The following MIB2 variants were observed in gnomAD, a reference collection of about 807,000 sequenced individuals.
The protein encoded by MIB2 is E3 ubiquitin-protein ligase MIB2.
A neutral mutation model predicts 96.6 loss-of-function variants in MIB2; 78 were observed. The observed-to-expected ratio is 0.81, with a 90% CI of 0.67 to 0.97. MIB2 has a LOEUF of 0.97. Among genes scored for constraint, MIB2 ranks in the 50% least tolerant of loss-of-function variants. The probability of loss-of-function intolerance (pLI) is 0.00; values close to 1 mark genes in which losing one functional copy is unlikely to be tolerated. For synonymous variants in MIB2, 820 were observed against 629.5 expected, an observed-to-expected ratio of 1.30 and a Z score of -4.53; for missense variants, 1,543 against 1,424.0, an observed-to-expected ratio of 1.08 and a Z score of -1.35.
chr1:1,615,983 C>A, intron 1 of MIB2: 1 of 985,218 alleles, frequency 1.0e-6, no homozygotes, highest in South Asian at 4.7e-5. Flanking sequence ...GCTGAGCAGT[C>A]GGGGCCGGTG....
chr1:1,626,864 A>T lies in MIB2; in HGVS notation c.1105A>T (p.Lys369Ter). The T allele has an allele frequency of 1.2e-6, 2 of 1,603,872 alleles. No individual in the cohort carries two copies. Among genetic ancestry groups the T allele is most frequent in the Non-Finnish European group, 1.7e-6 (2 of 1,179,500 alleles). Residue 369 changes from lysine (K) to a stop codon, truncating the protein, a stop_gained, in exon 10 of 20, where the codon AAA (lysine) becomes TAA (stop). Transcript: ENST00000355826. LOFTEE classifies it high-confidence loss of function. This position sits in a 1 kb window ranked among gnomAD's most constrained non-coding sequence, Gnocchi z 5.3. ...CCTGGGCCGCGTCGGGAAGGTGGTG[A>T]AAGTGTTTGGAGACGGGAACCTGCG... ...PALGRVGKVV[K>*]VFGDGNLRVA...
intron 1 of MIB2, 96 bp from the exon 2 acceptor site, chr1:1,616,412 G>T: frequency 1.1e-6 from 1 of 891,604 alleles, no homozygotes; most frequent in Non-Finnish European, 1.6e-6. Flanking sequence ...GGCCCGAGTG[G>T]ACCTGGAGCC....
In MIB2 at chr1:1,625,397, G is replaced by C; in HGVS notation, c.833G>C (p.Gly278Ala). ...GATGTCCTGCGGGAGATGCAGGAAG[G>C]CCACGGCGGCTGGAACCCCAGGATG... ...DTDVLREMQE[G>A]HGGWNPRMAE... The change falls in exon 7 of 20, where the codon GGC (glycine) becomes GCC (alanine). Residue 278 changes from glycine (G) to alanine (A), a missense_variant. Physicochemically the swap from Gly to Ala is moderately conservative, Grantham distance 60. Coordinates refer to ENST00000355826, the MANE Select transcript of MIB2 (RefSeq NM_001170687.4). The surrounding 1 kb of genome is among the most constrained non-coding windows in gnomAD (Gnocchi z 5.0). 1.3e-6 allele frequency: 2 copies of C among 1,580,134 alleles called. No individual in the cohort carries two copies. Among genetic ancestry groups the C allele is most frequent in the Non-Finnish European group, 1.7e-6 (2 of 1,164,748 alleles).
At chr1:1,621,323 C>T (rs748965910) in intron 2 of MIB2, among the ~76,000 whole-genome samples, 8 of 152,250 alleles carry the variant, frequency 5.3e-5, no homozygotes, top group Non-Finnish European at 2.9e-5. Context: ...GGAAGCCGCT[C>T]ATGCGGAGGC....
rs998745230 is a variant in MIB2 at position 1,630,556 on chromosome 1, T to TGCCTTCGCGTGCCCCCGCC, written c.*27_*45dup. 6.1e-6 allele frequency: 9 copies of TGCCTTCGCGTGCCCCCGCC among 1,485,196 alleles called. No homozygotes were observed. In the African/African-American group the frequency reaches 1.3e-4, roughly 21 times the overall value. The allele number at this position is 1,485,196 out of a possible 1,614,324, so 92.0% of individuals were successfully genotyped here. A position where few individuals can be genotyped will look rare whatever the true frequency, so the allele number is the denominator to read the frequency against. ...GCCGCGCCGTCCGCCGCGCCCGAGC[T>TGCCTTCGCGTGCCCCCGCC]GCCTTCGCGTGCCCCCGCCCTGTGT... On this transcript the variant is annotated 3_prime_UTR_variant, in exon 20 of 20. Transcript: ENST00000355826.
chr1:1,629,814 T>G, intron 19 of MIB2, 110 bp downstream of exon 19: 2 of 1,128,546 alleles, frequency 1.8e-6, no homozygotes, highest in Non-Finnish European at 1.2e-6. Flanking sequence ...CTTCCCCAGG[T>G]TACACCCCGC....
chr1:1,625,268 G>C lies in MIB2; in HGVS notation c.722-18G>C, dbSNP rs1232026161. 3 of 1,596,638 alleles carry C rather than the reference G, an allele frequency of 1.9e-6. No homozygotes were observed. The highest frequency in any genetic ancestry group is 2.6e-6 in the Non-Finnish European group (3 of 1,174,160). The stretch of plus-strand genomic sequence containing the variant: ...GGGAGGGGCCGCTGCCTGAGGCCTG[G>C]TCTGCCACCCTCCGCAGGCAAGCCG... On this transcript the variant is annotated intron_variant, in intron 6 of 19. Transcript: ENST00000355826. The surrounding 1 kb of genome is among the most constrained non-coding windows in gnomAD (Gnocchi z 5.0).
Position 1,627,705 on chromosome 1 carries a change from G to A in MIB2, c.1556G>A (p.Ser519Asn). The change falls in exon 13 of 20, where the codon AGT becomes AAT. Residue 519 changes from serine (S) to asparagine (N), a missense_variant. Ser to Asn is a conservative substitution (Grantham distance 46, BLOSUM62 1). Coordinates refer to ENST00000355826, the MANE Select transcript of MIB2 (RefSeq NM_001170687.4). ...NQPEATRVLL[S>N]AGCRADAINS... ...CCCGAGGCCACCAGGGTGCTCCTGA[G>A]TGCTGGGTGCCGGGCGGACGCCATC... 1 of 1,595,412 alleles carries A rather than the reference G, an allele frequency of 6.3e-7. No homozygotes were observed. Among genetic ancestry groups the A allele is most frequent in the Non-Finnish European group, 8.5e-7 (1 of 1,178,666 alleles).
At position 1,623,877 on chromosome 1, in the gene MIB2, G is replaced by T; in HGVS notation, c.351G>T (p.Gln117His). Residue 117 changes from glutamine (Q) to histidine (H), a missense_variant, in exon 4 of 20, where the codon CAG (glutamine) becomes CAT (histidine). Gln to His is a conservative substitution (Grantham distance 24). Coordinates refer to ENST00000355826, the MANE Select transcript of MIB2 (RefSeq NM_001170687.4). ...GCCTGGACTACGACCTCTGCACGCA[G>T]TGCTACATGCACAACAAGCATGAGC... ...RVCLDYDLCT[Q>H]CYMHNKHELA... The T allele has an allele frequency of 1.9e-6, 3 of 1,612,118 alleles. No homozygotes were observed. Among genetic ancestry groups the T allele is most frequent in the Non-Finnish European group, 2.5e-6 (3 of 1,179,586 alleles).
chr1:1,626,098 T>G lies in MIB2; in HGVS notation c.972+445T>G, dbSNP rs1644734640. The G allele has an allele frequency of 1.5e-5, 3 of 198,942 alleles. No individual in the cohort carries two copies. The highest frequency in any genetic ancestry group is 1.1e-4 in the South Asian group (1 of 8,960). 12.3% of individuals were successfully genotyped at this position (198,942 alleles called of 1,614,324 possible). On this transcript the variant is annotated intron_variant, in intron 8 of 19. Transcript: ENST00000355826. The surrounding 1 kb of genome is among the most constrained non-coding windows in gnomAD (Gnocchi z 5.3). ...AGGATGGCAGGGAGGGGGCTGGAGG[T>G]GGTGGCGGTGGCAGCTTGGATGGCC...
chr1:1,626,832 CGCAGG>C lies in MIB2; in HGVS notation c.1078-4_1078del. The C allele has an allele frequency of 6.2e-7, 1 of 1,601,578 alleles. No homozygotes were observed. Among genetic ancestry groups the C allele is most frequent in the Non-Finnish European group, 8.5e-7 (1 of 1,178,920 alleles). On this transcript the variant is annotated splice_acceptor_variant and splice_polypyrimidine_tract_variant and coding_sequence_variant and intron_variant, in exon 10 of 20. Transcript: ENST00000355826. LOFTEE classifies it high-confidence loss of function. The surrounding 1 kb of genome is among the most constrained non-coding windows in gnomAD (Gnocchi z 5.3). ...GCCTGCTGTGACCCCCTCCCCTCCC[CGCAGG>C]CCCTGGGCCGCGTCGGGAAGGTGGT...
At chr1:1,615,346 G>A (rs535671178), upstream of MIB2, 121 of 1,395,802 alleles carry the variant, frequency 8.7e-5, no homozygotes, top group East Asian at 3.1e-3. Context: ...GCAGGCGCCC[G>A]GAGGCTAAGC....
intron 2 of MIB2, among the ~76,000 whole-genome samples, chr1:1,622,027 C>T (rs1009915464): frequency 1.3e-5 from 2 of 152,258 alleles, no homozygotes; most frequent in African/African-American, 4.8e-5. Flanking sequence ...AGATGCAAAG[C>T]ACTGGGTTGC....
rs1220287356 is a variant in MIB2 at position 1,623,719 on chromosome 1, G to A, written c.247+20G>A. On this transcript the variant is annotated intron_variant, in intron 3 of 19. Coordinates refer to ENST00000355826, the MANE Select transcript of MIB2 (RefSeq NM_001170687.4). ...AGATCGGTGCGCGCCAAGGGCAGGC[G>A]GGACGGGCAGGACCCGGGGGCGGGA... 4 of 1,539,920 alleles carry A rather than the reference G, an allele frequency of 2.6e-6. No individual in the cohort carries two copies. The highest frequency in any genetic ancestry group is 2.4e-5 in the East Asian group (1 of 41,216).
chr1:1,627,695 G>A lies in MIB2; in HGVS notation c.1546G>A (p.Val516Met). 6.3e-7 allele frequency: 1 copy of A among 1,594,602 alleles called. No individual in the cohort carries two copies. Among genetic ancestry groups the A allele is most frequent in the African/African-American group, 1.3e-5 (1 of 74,950 alleles). Residue 516 changes from valine (V) to methionine (M), a missense_variant, in exon 13 of 20, where the codon GTG becomes ATG. Transcript: ENST00000355826. The part of the protein sequence containing the change: ...ALGNQPEATR[V>M]LLSAGCRADA... ...CAGGAACCAGCCCGAGGCCACCAGG[G>A]TGCTCCTGAGTGCTGGGTGCCGGGC...
chr1:1,627,671 A>G lies in MIB2; in HGVS notation c.1524-2A>G. The G allele has an allele frequency of 6.3e-7, 1 of 1,592,088 alleles. No homozygotes were observed. Among genetic ancestry groups the G allele is most frequent in the Non-Finnish European group, 8.5e-7 (1 of 1,177,224 alleles). ...TCCCTCTCCCACTTCCTCTCCTGTC[A>G]GGAACCAGCCCGAGGCCACCAGGGT... On this transcript the variant is annotated splice_acceptor_variant, in intron 12 of 19. Transcript: ENST00000355826. LOFTEE classifies it high-confidence loss of function.
chr1:1,629,749 T>C (rs1462735325), intron 19 of MIB2, 45 bp downstream of exon 19: 1 of 1,521,602 alleles, frequency 6.6e-7, no homozygotes, highest in Non-Finnish European at 8.8e-7. Flanking sequence ...GCTCAGCTGG[T>C]GGCCCGCGGG....
At position 1,626,710 on chromosome 1, in the gene MIB2, C is replaced by A. The variant is rs778126615; in HGVS notation, c.1033C>A (p.Arg345=). The A allele has an allele frequency of 1.2e-6, 2 of 1,601,162 alleles. No homozygotes were observed. The highest frequency in any genetic ancestry group is 1.7e-6 in the Non-Finnish European group (2 of 1,173,618). ...CATCGGCGACCTTGACACAGTGAAG[C>A]GGCTGCAGGCTGGGCATGGCGAGTG... ...RVIGDLDTVK[R]LQAGHGEWTD... Residue 345 remains arginine (R), a synonymous_variant, in exon 9 of 20, where the codon CGG becomes AGG. Coordinates refer to ENST00000355826, the MANE Select transcript of MIB2 (RefSeq NM_001170687.4). This position sits in a 1 kb window ranked among gnomAD's most constrained non-coding sequence, Gnocchi z 5.3.
rs376078634 is a variant in MIB2, at chr1:1,626,226, G to A, written c.973-424G>A. 6 of 215,704 alleles carry A rather than the reference G, an allele frequency of 2.8e-5. No individual in the cohort carries two copies. The East Asian group carries it at 4.5e-4, about 16-fold the overall frequency. 13.4% of individuals were successfully genotyped at this position (215,704 alleles called of 1,614,324 possible). ...GAGGCGCCGAAGGGAGTCATGAGAC[G>A]GGCTTGTAGAGTGAGTTCCCTGCAT... On this transcript the variant is annotated intron_variant, in intron 8 of 19. Coordinates refer to ENST00000355826, the MANE Select transcript of MIB2 (RefSeq NM_001170687.4). This position sits in a 1 kb window ranked among gnomAD's most constrained non-coding sequence, Gnocchi z 5.3.
Sources: allele counts gnomAD v4.1 joint callset (sites outside exome capture counted in the v4.1 genomes callset), GRCh38; gene constraint gnomAD v4.1.1; non-coding constraint Gnocchi (gnomAD v3.1); transcripts MANE v1.5; gene names NCBI Gene and HGNC (gene_info 2026-07-23, HGNC 2026-07-21).